PDE4B: variants seen among roughly 807,000 people sequenced by gnomAD.
PDE4B encodes 3',5'-cyclic-AMP phosphodiesterase 4B.
PDE4B carries 20 observed loss-of-function variants against 82.2 expected under a neutral mutation model. The ratio of observed to expected loss-of-function variants is 0.24; its 90% confidence interval spans 0.17 to 0.35. The LOEUF (loss-of-function observed/expected upper bound fraction) is 0.35. Ranked by LOEUF, PDE4B falls within the 10% of genes least tolerant of loss-of-function variation. The probability of loss-of-function intolerance (pLI) is 1.00; values close to 1 mark genes in which losing one functional copy is unlikely to be tolerated. For missense variants in PDE4B, 655 were observed against 907.2 expected, an observed-to-expected ratio of 0.72 and a Z score of 3.57; for synonymous variants, 320 against 318.9, an observed-to-expected ratio of 1.00 and a Z score of -0.04.
At chr1:66,163,617 A>G (rs1346834933) in intron 3 of PDE4B, among the ~76,000 whole-genome samples, 1 of 152,194 alleles carries the variant, frequency 6.6e-6, no homozygotes, top group African/African-American at 2.4e-5. Context: ...TCCATAAGAT[A>G]TTGTCTAGAG....
At chr1:65,989,214 A>G (rs901587477) in intron 3 of PDE4B, among the ~76,000 whole-genome samples, 2 of 152,174 alleles carry the variant, frequency 1.3e-5, no homozygotes, top group Admixed American at 1.3e-4. Context: ...TTTAAAACTG[A>G]GACAGGCTGG....
At chr1:65,998,881 A>G (rs1394819822) in intron 3 of PDE4B, among the ~76,000 whole-genome samples, 2 of 152,106 alleles carry the variant, frequency 1.3e-5, no homozygotes, top group Non-Finnish European at 2.9e-5. Flanking sequence ...AAAAAAAAAA[A>G]AAGCAGATAT....
intron 3 of PDE4B, among the ~76,000 whole-genome samples, chr1:66,158,699 T>A (rs1405273883): frequency 1.3e-5 from 2 of 152,276 alleles, no homozygotes; most frequent in Non-Finnish European, 2.9e-5. Context: ...TAAGTGCCTA[T>A]CAGTGGGTAA....
At chr1:65,953,930 G>A (rs1649128910) in intron 3 of PDE4B, among the ~76,000 whole-genome samples, 1 of 151,872 alleles carries the variant, frequency 6.6e-6, no homozygotes, top group African/African-American at 2.4e-5. Flanking sequence ...ATGGAGTCTC[G>A]CTCTGTTGCC....
chr1:66,227,869 T>A (rs1265757653), intron 3 of PDE4B, among the ~76,000 whole-genome samples: 1 of 152,248 alleles, frequency 6.6e-6, no homozygotes, highest in Non-Finnish European at 1.5e-5. Context: ...TTCTGCTGAC[T>A]TCCTCATCTT....
At chr1:66,283,375 G>GTA (rs769184042) in intron 7 of PDE4B, among the ~76,000 whole-genome samples, 14 of 151,324 alleles carry the variant, frequency 9.3e-5, no homozygotes, top group East Asian at 3.9e-4. Flanking sequence ...GTGTATATAT[G>GTA]TATATATATA....
intron 3 of PDE4B, among the ~76,000 whole-genome samples, chr1:66,155,992 A>G (rs149706439): frequency 0.01 from 1,553 of 152,324 alleles, 32 homozygotes; most frequent in African/African-American, 0.035. Flanking sequence ...CACATGACAG[A>G]ATCAGGAGAA....
intron 3 of PDE4B, among the ~76,000 whole-genome samples, chr1:66,082,857 G>A (rs1656813927): frequency 6.6e-6 from 1 of 151,972 alleles, no homozygotes; most frequent in African/African-American, 2.4e-5. Context: ...GAACAAGACA[G>A]AAATTGTGGT....
intron 3 of PDE4B, among the ~76,000 whole-genome samples, chr1:66,211,362 A>G (rs1256589268): frequency 6.6e-6 from 1 of 151,998 alleles, no homozygotes; most frequent in Non-Finnish European, 1.5e-5. Flanking sequence ...AACTCTCAAA[A>G]CCTATCCCCA....
intron 3 of PDE4B, among the ~76,000 whole-genome samples, chr1:65,951,946 G>A (rs777237625): frequency 2.0e-5 from 3 of 152,180 alleles, no homozygotes; most frequent in Non-Finnish European, 4.4e-5. Context: ...TCCCTTTAGG[G>A]AAAACGATGG....
At chr1:66,354,453 C>T (rs1488609031) in intron 8 of PDE4B, 1 of 992,072 alleles carries the variant, frequency 1.0e-6, no homozygotes, top group Non-Finnish European at 1.2e-6. Flanking sequence ...AGAAGAATTT[C>T]TTCTTCCTTG....
At chr1:66,056,998 T>C (rs752219143) in intron 3 of PDE4B, among the ~76,000 whole-genome samples, 11 of 152,222 alleles carry the variant, frequency 7.2e-5, no homozygotes, top group Non-Finnish European at 7.3e-5. Context: ...CATGTGTACA[T>C]TTCAGATTGT....
intron 1 of PDE4B, among the ~76,000 whole-genome samples, chr1:65,864,200 T>G (rs780112953): frequency 6.6e-6 from 1 of 152,000 alleles, no homozygotes; most frequent in Non-Finnish European, 1.5e-5. Context: ...GCTGTGTTTT[T>G]CAGCTCCACC....
chr1:66,340,947 T>C (rs1241957248), intron 8 of PDE4B, among the ~76,000 whole-genome samples: 1 of 152,204 alleles, frequency 6.6e-6, no homozygotes, highest in Admixed American at 6.5e-5. Flanking sequence ...CTATCTAATG[T>C]CTTTGGTCAC....
At chr1:66,214,608 A>T (rs1204051935) in intron 3 of PDE4B, among the ~76,000 whole-genome samples, 1 of 152,144 alleles carries the variant, frequency 6.6e-6, no homozygotes, top group Non-Finnish European at 1.5e-5. Context: ...CACCAACTTT[A>T]TTAACAAATT....
intron 3 of PDE4B, among the ~76,000 whole-genome samples, chr1:66,229,534 A>G (rs1651775999): frequency 6.6e-6 from 1 of 152,146 alleles, no homozygotes; most frequent in African/African-American, 2.4e-5. Context: ...GGCAGCCACC[A>G]CTGTTTCATA....
At chr1:66,210,101 A>G (rs890697612) in intron 3 of PDE4B, among the ~76,000 whole-genome samples, 1 of 152,238 alleles carries the variant, frequency 6.6e-6, no homozygotes, top group African/African-American at 2.4e-5. Context: ...GGAATATAAC[A>G]TGGAATCCAG....
At chr1:65,901,217 G>T (rs571074454) in intron 1 of PDE4B, among the ~76,000 whole-genome samples, 7 of 152,082 alleles carry the variant, frequency 4.6e-5, no homozygotes, top group African/African-American at 1.7e-4. Context: ...TGATTATATG[G>T]TTTTTGTTTT....
chr1:66,087,845 A>T (rs962992911), intron 3 of PDE4B, among the ~76,000 whole-genome samples: 4 of 126,026 alleles, frequency 3.2e-5, no homozygotes, highest in Non-Finnish European at 6.3e-5. Flanking sequence ...AGGAAGGGGA[A>T]CATCACACTC....
Sources: allele counts gnomAD v4.1 joint callset (sites outside exome capture counted in the v4.1 genomes callset), GRCh38; gene constraint gnomAD v4.1.1; transcripts MANE v1.5; gene names NCBI Gene and HGNC (gene_info 2026-07-23, HGNC 2026-07-21).